NAT1: variants seen among roughly 807,000 people sequenced by gnomAD.
NAT1 encodes arylamine N-acetyltransferase 1.
For synonymous variants in NAT1, 144 were observed against 122.6 expected (o/e 1.17, Z -1.16); for missense variants, 400 against 339.2 (o/e 1.18, Z -1.41).
upstream of NAT1, among the ~76,000 whole-genome samples, chr8:18,208,406 T>G (rs1219376284): frequency 2.0e-5 from 3 of 152,158 alleles, no homozygotes; most frequent in Non-Finnish European, 2.9e-5. Context: ...GTCATAAAAA[T>G]TGTTAAATCC....
At chr8:18,221,207 T>G (rs1805254584) in intron 2 of NAT1, among the ~76,000 whole-genome samples, 1 of 152,144 alleles carries the variant, frequency 6.6e-6, no homozygotes, top group Non-Finnish European at 1.5e-5. Context: ...GCTTAAGGCC[T>G]TGTTATTTTC....
At chr8:18,206,787 T>C (rs1354667103), upstream of NAT1, among the ~76,000 whole-genome samples, 1 of 152,222 alleles carries the variant, frequency 6.6e-6, no homozygotes, top group Non-Finnish European at 1.5e-5. Context: ...GATGACAGTT[T>C]CTTTTGCTTT....
At chr8:18,207,770 T>C (rs1803787399), upstream of NAT1, among the ~76,000 whole-genome samples, 1 of 152,184 alleles carries the variant, frequency 6.6e-6, no homozygotes, top group African/African-American at 2.4e-5. Context: ...CCTGGGTATA[T>C]ACCCAAAGGA....
intron 2 of NAT1, among the ~76,000 whole-genome samples, chr8:18,197,397 A>T (rs1224399335): frequency 6.6e-6 from 1 of 152,194 alleles, no homozygotes; most frequent in Non-Finnish European, 1.5e-5. Flanking sequence ...TAATTCTGTG[A>T]TCCTCAACCA....
chr8:18,215,772 C>T (rs1804595378), intron 1 of NAT1, among the ~76,000 whole-genome samples: 1 of 152,056 alleles, frequency 6.6e-6, no homozygotes, highest in Admixed American at 6.5e-5. Flanking sequence ...GCTCTGTTTC[C>T]ACCTTTTATT....
upstream of NAT1, among the ~76,000 whole-genome samples, chr8:18,205,747 G>A (rs182035169): frequency 1.3e-3 from 199 of 152,308 alleles, 1 homozygote; most frequent in Non-Finnish European, 6.3e-4. Flanking sequence ...AGGCTGGTGC[G>A]TAGGCATGGG....
At chr8:18,197,029 T>G (rs1416486635) in intron 2 of NAT1, among the ~76,000 whole-genome samples, 1 of 152,170 alleles carries the variant, frequency 6.6e-6, no homozygotes, top group Non-Finnish European at 1.5e-5. Context: ...TCAGGAAACT[T>G]AAAACCACGG....
chr8:18,212,986 C>T (rs1446528040), intron 1 of NAT1, among the ~76,000 whole-genome samples: 2 of 151,720 alleles, frequency 1.3e-5, no homozygotes, highest in Non-Finnish European at 2.9e-5. Context: ...CTCCCTGCAA[C>T]CTCCACCTCC....
At chr8:18,182,693 T>C (rs1267846874) in intron 2 of NAT1, among the ~76,000 whole-genome samples, 1 of 152,216 alleles carries the variant, frequency 6.6e-6, no homozygotes, top group African/African-American at 2.4e-5. Context: ...CCCCACATTG[T>C]TCTTCTCTAA....
intron 2 of NAT1, among the ~76,000 whole-genome samples, chr8:18,185,671 T>C (rs1177614737): frequency 2.0e-5 from 3 of 152,144 alleles, no homozygotes; most frequent in Non-Finnish European, 4.4e-5. Flanking sequence ...TTCATTCTTC[T>C]TTTAAAATTC....
chr8:18,189,715 T>G (rs1802902037), intron 2 of NAT1, among the ~76,000 whole-genome samples: 1 of 152,216 alleles, frequency 6.6e-6, no homozygotes, highest in Admixed American at 6.5e-5. Flanking sequence ...GTGTTCCACC[T>G]GCATGATGAC....
chr8:18,222,089 G>A lies in NAT1; in HGVS notation c.42G>A (p.Lys14=). 4 of 1,614,046 alleles carry A rather than the reference G, an allele frequency of 2.5e-6. No individual in the cohort carries two copies. Among genetic ancestry groups the A allele is most frequent in the Non-Finnish European group, 2.5e-6 (3 of 1,179,954 alleles). ...EAYLERIGYK[K]SRNKLDLETL... is the part of the protein sequence containing the mutation. ...ATCTTGAAAGAATTGGCTATAAGAA[G>A]TCTAGGAACAAATTGGACTTGGAAA... is the stretch of plus-strand genomic sequence containing the variant. Residue 14 remains lysine (K), a synonymous_variant, in exon 3 of 3, where the codon AAG becomes AAA. Coordinates refer to ENST00000307719, the MANE Select transcript of NAT1 (RefSeq NM_000662.8).
chr8:18,195,943 G>T (rs1019364143), intron 2 of NAT1, among the ~76,000 whole-genome samples: 1 of 151,782 alleles, frequency 6.6e-6, no homozygotes, highest in Non-Finnish European at 1.5e-5. Context: ...GACCCTGATG[G>T]CTTGAAGAAT....
chr8:18,177,986 A>G (rs1802356368), intron 2 of NAT1, among the ~76,000 whole-genome samples: 1 of 152,102 alleles, frequency 6.6e-6, no homozygotes, highest in Non-Finnish European at 1.5e-5. Flanking sequence ...GTCAGCTATT[A>G]ACTTTCTCTC....
intron 2 of NAT1, among the ~76,000 whole-genome samples, chr8:18,220,719 A>T (rs551100942): frequency 6.6e-6 from 1 of 152,194 alleles, no homozygotes; most frequent in South Asian, 2.1e-4. Context: ...ATAGCTTTGA[A>T]TGAATACCCC....
At chr8:18,202,479 G>A (rs1366224270) in intron 2 of NAT1, among the ~76,000 whole-genome samples, 2 of 152,130 alleles carry the variant, frequency 1.3e-5, no homozygotes, top group East Asian at 1.9e-4. Context: ...ATGAAGCTGC[G>A]GACCTTTGCG....
chr8:18,211,404 T>C (rs1257208650), intron 1 of NAT1: 2 of 152,226 alleles, frequency 1.3e-5, no homozygotes, highest in African/African-American at 4.8e-5. Flanking sequence ...ACATACTGTT[T>C]GCTCTTGAAT....
chr8:18,199,448 C>A (rs889114139), intron 2 of NAT1, among the ~76,000 whole-genome samples: 1 of 151,702 alleles, frequency 6.6e-6, no homozygotes, highest in Non-Finnish European at 1.5e-5. Context: ...TGATATCACA[C>A]GAAAAAAATC....
chr8:18,175,955 A>G (rs1042938154), intron 2 of NAT1, among the ~76,000 whole-genome samples: 3 of 152,094 alleles, frequency 2.0e-5, no homozygotes, highest in Admixed American at 6.6e-5. Context: ...TTCCCTGATG[A>G]TTAAAGATTC....
Sources: allele counts gnomAD v4.1 joint callset (sites outside exome capture counted in the v4.1 genomes callset), GRCh38; gene constraint gnomAD v4.1.1; transcripts MANE v1.5; gene names NCBI Gene and HGNC (gene_info 2026-07-23, HGNC 2026-07-21).